The following PIBF1 variants were observed in gnomAD, a reference collection of about 807,000 sequenced individuals.
PIBF1 encodes progesterone-induced-blocking factor 1.
A neutral mutation model predicts 112.5 loss-of-function variants in PIBF1; 90 were observed. The ratio of observed to expected loss-of-function variants is 0.80; its 90% CI spans 0.67 to 0.95. The LOEUF is 0.95. Among genes scored for constraint, PIBF1 ranks in the 40% least tolerant of loss-of-function variants. The pLI, the probability that PIBF1 is intolerant of heterozygous loss-of-function variation, is 0.00. For synonymous variants in PIBF1, 301 were observed against 288.6 expected, an observed-to-expected ratio of 1.04 and a Z score of -0.44; for missense variants, 915 against 852.3, an observed-to-expected ratio of 1.07 and a Z score of -0.92.
chr13:72,912,206 A>G (rs148820640), intron 12 of PIBF1, among the ~76,000 whole-genome samples: 28 of 152,288 alleles, frequency 1.8e-4, no homozygotes, highest in Non-Finnish European at 3.2e-4. Flanking sequence ...TGGACTTACT[A>G]CCTGTAGAGC....
At chr13:72,932,964 G>C (rs953547116) in intron 14 of PIBF1, among the ~76,000 whole-genome samples, 4 of 152,066 alleles carry the variant, frequency 2.6e-5, no homozygotes, top group African/African-American at 9.7e-5. Context: ...GGACATTGGA[G>C]TCATTTCCAG....
At chr13:72,968,675 A>T (rs1211994767) in intron 15 of PIBF1, among the ~76,000 whole-genome samples, 1 of 152,074 alleles carries the variant, frequency 6.6e-6, no homozygotes, top group Non-Finnish European at 1.5e-5. Context: ...TGTTTAAATT[A>T]TCTTTAATTT....
chr13:73,005,310 A>AAT (rs1434335460), intron 17 of PIBF1, among the ~76,000 whole-genome samples: 11 of 148,298 alleles, frequency 7.4e-5, no homozygotes, highest in Non-Finnish European at 1.5e-4. Flanking sequence ...AAAAAAAAAA[A>AAT]TTTTTTTTTT....
chr13:72,786,483 CTT>C (rs2034602245), intron 2 of PIBF1, among the ~76,000 whole-genome samples: 1 of 152,112 alleles, frequency 6.6e-6, no homozygotes, highest in African/African-American at 2.4e-5. Flanking sequence ...GTTCTCATCT[CTT>C]TTTTCCTACT....
intron 5 of PIBF1, among the ~76,000 whole-genome samples, chr13:72,798,894 A>G (rs939891105): frequency 6.6e-6 from 1 of 152,212 alleles, no homozygotes; most frequent in Non-Finnish European, 1.5e-5. Flanking sequence ...TCCATTTATT[A>G]CTTACGTGGC....
chr13:72,930,792 A>T (rs1017129644), intron 13 of PIBF1, among the ~76,000 whole-genome samples: 1 of 152,228 alleles, frequency 6.6e-6, no homozygotes, highest in Non-Finnish European at 1.5e-5. Context: ...GTAATATTTC[A>T]ACTAATTTTC....
At chr13:72,996,212 C>T (rs1054149715) in intron 16 of PIBF1, among the ~76,000 whole-genome samples, 9 of 144,780 alleles carry the variant, frequency 6.2e-5, no homozygotes, top group African/African-American at 2.3e-4. Context: ...AAGAAAATGA[C>T]CACTCAGTAG....
chr13:72,783,711 A>C lies in PIBF1; in HGVS notation c.242A>C (p.Tyr81Ser), dbSNP rs1236139115. The C allele has an allele frequency of 6.2e-7, 1 of 1,613,602 alleles. No individual in the cohort carries two copies. The highest frequency in any genetic ancestry group is 8.5e-7 in the Non-Finnish European group (1 of 1,179,692). ...ATGATCGACAATTTGAAAGTGGATT[A>C]TCTTACAAAGGTAAGATCAGGTTTA... ...TMMIDNLKVD[Y>S]LTKIEELEEK... The change falls in exon 2 of 18, where the codon TAT becomes TCT. Residue 81 changes from tyrosine (Y) to serine (S), a missense_variant. Tyr to Ser is a moderately radical substitution (Grantham distance 144). Transcript: ENST00000326291.
chr13:72,783,287 A>G (rs541772896), intron 1 of PIBF1, 136 bp from the exon 2 acceptor site: 136 of 499,070 alleles, frequency 2.7e-4, no homozygotes, highest in African/African-American at 2.1e-3. Flanking sequence ...CTTAACTGCA[A>G]TAATCTGTTC....
At position 72,797,975 on chromosome 13, in the gene PIBF1, C is replaced by G; in HGVS notation, c.621C>G (p.Ile207Met). ...GTGAACTACAAGTGAAAAAGAATAT[C>G]CTAGCAGAAGAATTAAGTACAAACA... is the stretch of plus-strand genomic sequence containing the variant. The part of the protein sequence containing the change: ...EICELQVKKN[I>M]LAEELSTNKN... The change falls in exon 5 of 18, where the codon ATC (isoleucine) becomes ATG (methionine). Residue 207 changes from isoleucine to methionine, a missense_variant. Physicochemically the swap from Ile to Met is conservative, Grantham distance 10 (BLOSUM62 1). Transcript: ENST00000326291. The G allele has an allele frequency of 6.2e-7, 1 of 1,608,974 alleles. No individual in the cohort carries two copies. Among genetic ancestry groups the G allele is most frequent in the Non-Finnish European group, 8.5e-7 (1 of 1,177,590 alleles).
intron 13 of PIBF1, among the ~76,000 whole-genome samples, chr13:72,918,791 C>T (rs2041190088): frequency 6.6e-6 from 1 of 151,800 alleles, no homozygotes; most frequent in East Asian, 1.9e-4. Context: ...GCAACCTCCA[C>T]CTCCCAGGTT....
At chr13:72,990,315 T>C (rs745472592) in intron 16 of PIBF1, among the ~76,000 whole-genome samples, 2 of 148,470 alleles carry the variant, frequency 1.3e-5, no homozygotes, top group Non-Finnish European at 3.0e-5. Flanking sequence ...AGACCAGGAG[T>C]TCGAGACCAG....
intron 14 of PIBF1, among the ~76,000 whole-genome samples, chr13:72,964,062 A>G (rs1323065051): frequency 6.6e-6 from 1 of 152,250 alleles, no homozygotes; most frequent in Non-Finnish European, 1.5e-5. Flanking sequence ...ATTATTCACA[A>G]TAGCCAAACA....
intron 17 of PIBF1, among the ~76,000 whole-genome samples, chr13:73,014,970 G>C (rs1419342318): frequency 1.3e-5 from 2 of 152,144 alleles, no homozygotes; most frequent in Non-Finnish European, 2.9e-5. Flanking sequence ...ATTTTTAGTA[G>C]AAACAGGGTT....
At chr13:72,909,682 G>A (rs4362268) in intron 12 of PIBF1, among the ~76,000 whole-genome samples, 112,584 of 151,722 alleles carry the variant, frequency 0.74, 42,116 homozygotes, top group African/African-American at 0.81. Flanking sequence ...TAGTAGAGAC[G>A]GGGTTTCTCC....
At position 72,821,878 on chromosome 13, in the gene PIBF1, T is replaced by C. The variant is rs1336851275; in HGVS notation, c.702T>C (p.Ser234=). Residue 234 remains serine (S), a synonymous_variant, in exon 6 of 18, where the codon TCT becomes TCC. Transcript: ENST00000326291. ...ETYEEDRKNY[S]EVQIRCQRLA... ...ATGAGGAAGATCGAAAAAACTACTC[T>C]GAAGTTCAAATTAGATGTCAACGTT... 6.2e-7 allele frequency: 1 copy of C among 1,612,682 alleles called. No homozygotes were observed. Among genetic ancestry groups the C allele is most frequent in the East Asian group, 2.2e-5 (1 of 44,752 alleles).
intron 11 of PIBF1, among the ~76,000 whole-genome samples, chr13:72,900,557 A>G (rs988434512): frequency 1.3e-5 from 2 of 152,222 alleles, no homozygotes; most frequent in African/African-American, 4.8e-5. Context: ...ATGTGGGAGA[A>G]TGAAACTGGA....
intron 13 of PIBF1, among the ~76,000 whole-genome samples, chr13:72,929,064 T>C (rs1251183690): frequency 2.6e-5 from 4 of 152,188 alleles, no homozygotes; most frequent in Admixed American, 6.5e-5. Flanking sequence ...CTTCAACATA[T>C]TTATTGAAAA....
At chr13:72,915,619 C>G (rs1274749803) in intron 12 of PIBF1, among the ~76,000 whole-genome samples, 1 of 152,124 alleles carries the variant, frequency 6.6e-6, no homozygotes, top group Middle Eastern at 3.2e-3. Context: ...AATGTTAGCT[C>G]TAGTTCCAGT....
Sources: allele counts gnomAD v4.1 joint callset (sites outside exome capture counted in the v4.1 genomes callset), GRCh38; gene constraint gnomAD v4.1.1; transcripts MANE v1.5; gene names NCBI Gene and HGNC (gene_info 2026-07-23, HGNC 2026-07-21).